The following ZNF385D variants were observed in gnomAD, a reference collection of about 807,000 sequenced individuals.
ZNF385D encodes the protein zinc finger protein 385D, also known as zinc finger protein 659.
Under a neutral mutation model 35.8 loss-of-function variants are expected in ZNF385D, and 15 were observed. The ratio of observed to expected loss-of-function variants is 0.42; its 90% confidence interval spans 0.28 to 0.64. The LOEUF (loss-of-function observed/expected upper bound fraction) is 0.64, where lower values mean the gene tolerates loss of function less well. Among genes scored for constraint, ZNF385D ranks in the 30% least tolerant of loss-of-function variants. The probability of loss-of-function intolerance (pLI) is 0.23; values close to 1 mark genes in which losing one functional copy is unlikely to be tolerated. For synonymous variants in ZNF385D, 212 were observed against 186.8 expected (o/e 1.13, Z -1.10); for missense variants, 474 against 494.6 (o/e 0.96, Z 0.39).
intron 3 of ZNF385D, among the ~76,000 whole-genome samples, chr3:21,797,355 T>A (rs901840665): frequency 6.6e-6 from 1 of 152,160 alleles, no homozygotes; most frequent in Non-Finnish European, 1.5e-5. Flanking sequence ...TTGGCTAGGA[T>A]GTGAAGCAAC....
intron 3 of ZNF385D, among the ~76,000 whole-genome samples, chr3:21,881,807 T>C (rs13433695): frequency 0.017 from 2,620 of 152,074 alleles, 76 homozygotes; most frequent in African/African-American, 0.058. Context: ...GGTAAAAATA[T>C]CAACATGAAC....
At chr3:21,877,417 C>T (rs184541927) in intron 3 of ZNF385D, among the ~76,000 whole-genome samples, 2 of 152,116 alleles carry the variant, frequency 1.3e-5, no homozygotes, top group East Asian at 1.9e-4. Context: ...CTAGGGAGCA[C>T]GCACATTCCC....
intron 3 of ZNF385D, among the ~76,000 whole-genome samples, chr3:21,821,936 A>AT: frequency 6.8e-6 from 1 of 147,276 alleles, no homozygotes; most frequent in Admixed American, 6.9e-5. Flanking sequence ...ACTGTACTCC[A>AT]GCCTGAATGA....
At chr3:21,428,992 A>ATCTTTTTTTTTTTTTTTTTTTTTTTCT (rs1553630194) in intron 5 of ZNF385D, among the ~76,000 whole-genome samples, 2 of 133,966 alleles carry the variant, frequency 1.5e-5, no homozygotes, top group African/African-American at 5.6e-5. Context: ...GGAAAGATAC[A>ATCTTTTTTTTTTTTTTTTTTTTTTTCT]TATTACGCTT....
intron 2 of ZNF385D, among the ~76,000 whole-genome samples, chr3:22,346,476 AC>A (rs1695664491): frequency 6.6e-6 from 1 of 152,188 alleles, no homozygotes; most frequent in African/African-American, 2.4e-5. Context: ...TTTTATATTC[AC>A]TATTTCATTT....
intron 3 of ZNF385D, among the ~76,000 whole-genome samples, chr3:21,836,747 ATAT>A (rs1479978864): frequency 6.6e-6 from 1 of 152,144 alleles, no homozygotes; most frequent in Non-Finnish European, 1.5e-5. Context: ...CATATATAAA[ATAT>A]TATTTTTATT....
rs78907201 is a variant in ZNF385D, at chr3:21,502,893, A to G, written c.439+7968T>C. 1.8e-4 allele frequency among the ~76,000 whole-genome samples: 28 copies of G among 152,260 alleles called. No individual in the cohort carries two copies. In the East Asian group the frequency reaches 5.2e-3, roughly 28 times the overall value. ...CAAATGGTTTCACAATGGTGCTTCA[A>G]CTCCTGTGCCAAGACGTATGCAGTG... is the stretch of plus-strand genomic sequence containing the variant. On this transcript the variant is annotated intron_variant, in intron 4 of 7. Coordinates refer to ENST00000281523, the MANE Select transcript of ZNF385D (RefSeq NM_024697.3).
chr3:22,232,602 T>C (rs1011563382), intron 2 of ZNF385D, among the ~76,000 whole-genome samples: 1 of 152,176 alleles, frequency 6.6e-6, no homozygotes, highest in Non-Finnish European at 1.5e-5. Flanking sequence ...TGTGTTCTCA[T>C]TGTTCAGCTC....
intron 3 of ZNF385D, among the ~76,000 whole-genome samples, chr3:22,089,181 A>C (rs1457144563): frequency 1.3e-5 from 2 of 152,186 alleles, no homozygotes; most frequent in Non-Finnish European, 2.9e-5. Flanking sequence ...TGCTTTTAAA[A>C]AACTGTCTGT....
chr3:21,996,221 T>C (rs546016630), intron 3 of ZNF385D, among the ~76,000 whole-genome samples: 1 of 152,226 alleles, frequency 6.6e-6, no homozygotes, highest in South Asian at 2.1e-4. Context: ...TATACTAGTC[T>C]CAGGGTCCAC....
chr3:21,796,167 C>T (rs1428470937), intron 3 of ZNF385D, among the ~76,000 whole-genome samples: 1 of 152,090 alleles, frequency 6.6e-6, no homozygotes, highest in Non-Finnish European at 1.5e-5. Context: ...AAGCCAGAGT[C>T]GGAGCATATT....
In ZNF385D at chr3:21,495,063, C is replaced by A. The variant is rs1705722983; in HGVS notation, c.439+15798G>T. Among the ~76,000 whole-genome samples, 5 of 152,040 alleles carry A rather than the reference C, an allele frequency of 3.3e-5. No individual in the cohort carries two copies. In the South Asian group the frequency reaches 1.0e-3, roughly 31 times the overall value. On this transcript the variant is annotated intron_variant, in intron 4 of 7. Coordinates refer to ENST00000281523, the MANE Select transcript of ZNF385D (RefSeq NM_024697.3). ...GTGAAGATATCTTAAGGCTAGAACT[C>A]CTGTTCTGCATTAGTTTTCATTGCT...
Position 21,564,637 on chromosome 3 carries a change from A to C in ZNF385D, c.213T>G (p.Pro71=), listed in dbSNP as rs766674886. ...TGATTTGCTTTCTTCGGTGGGGAAG[A>C]GGAACCCCGAATGTATGGTTTATTA... The part of the protein sequence containing the change: ...KAVINHTFGV[P]LPHRRKQIIS... The change falls in exon 3 of 8, where the codon CCT becomes CCG. Residue 71 remains proline, a synonymous_variant. Coordinates refer to ENST00000281523, the MANE Select transcript of ZNF385D (RefSeq NM_024697.3). 1.3e-6 allele frequency: 2 copies of C among 1,589,698 alleles called. No individual in the cohort carries two copies. The highest frequency in any genetic ancestry group is 2.3e-5 in the South Asian group (2 of 87,138).
chr3:21,654,430 A>G (rs1384548816), intron 2 of ZNF385D, among the ~76,000 whole-genome samples: 1 of 152,086 alleles, frequency 6.6e-6, no homozygotes, highest in Non-Finnish European at 1.5e-5. Flanking sequence ...TCTTCAGGAT[A>G]AGAGAAATTA....
At chr3:22,256,210 C>CAT (rs970939887) in intron 2 of ZNF385D, among the ~76,000 whole-genome samples, 3 of 138,122 alleles carry the variant, frequency 2.2e-5, no homozygotes, top group Non-Finnish European at 3.0e-5. Context: ...TACATATATA[C>CAT]ATATATATAC....
intron 2 of ZNF385D, among the ~76,000 whole-genome samples, chr3:22,248,124 T>C (rs570484613): frequency 6.6e-6 from 1 of 152,248 alleles, no homozygotes; most frequent in East Asian, 1.9e-4. Flanking sequence ...GAAGATTCTG[T>C]TTTCTGGCAT....
chr3:22,208,447 T>C (rs1697298590), intron 2 of ZNF385D, among the ~76,000 whole-genome samples: 1 of 150,780 alleles, frequency 6.6e-6, no homozygotes, highest in Admixed American at 6.6e-5. Context: ...CTGGCAAGTG[T>C]GGGGTGGGTA....
chr3:22,265,228 C>T (rs376011899), intron 2 of ZNF385D, among the ~76,000 whole-genome samples: 62 of 151,916 alleles, frequency 4.1e-4, no homozygotes, highest in South Asian at 8.3e-4. Flanking sequence ...AATTACAGGG[C>T]GACCTACTCA....
intron 3 of ZNF385D, among the ~76,000 whole-genome samples, chr3:22,035,980 T>A (rs899946831): frequency 6.6e-6 from 1 of 151,754 alleles, no homozygotes; most frequent in African/African-American, 2.4e-5. Flanking sequence ...AAAGCAGAAA[T>A]GGAAAATGAA....
Sources: allele counts gnomAD v4.1 joint callset (sites outside exome capture counted in the v4.1 genomes callset), GRCh38; gene constraint gnomAD v4.1.1; transcripts MANE v1.5; gene names NCBI Gene and HGNC (gene_info 2026-07-23, HGNC 2026-07-21).